ABL2: variants seen among roughly 807,000 people sequenced by gnomAD.
ABL2 encodes the protein ABL proto-oncogene 2, non-receptor tyrosine kinase, also known as tyrosine-protein kinase ABL2.
ABL2 carries 49 observed loss-of-function variants against 107.7 expected under a neutral mutation model. The ratio of observed to expected loss-of-function variants is 0.45; its 90% CI spans 0.36 to 0.58. The LOEUF (loss-of-function observed/expected upper bound fraction) is 0.58, where lower values mean the gene tolerates loss of function less well. Ranked by LOEUF, ABL2 falls within the 20% of genes least tolerant of loss-of-function variation. The probability of loss-of-function intolerance (pLI) is 0.00; values close to 1 mark genes in which losing one functional copy is unlikely to be tolerated. For synonymous variants in ABL2, 549 were observed against 548.6 expected (o/e 1.00, Z -0.01); for missense variants, 1,245 against 1,457.0 (o/e 0.85, Z 2.37).
chr1:179,122,276 T>TA (rs34338293), intron 4 of ABL2, among the ~76,000 whole-genome samples: 2,825 of 126,702 alleles, frequency 0.022, 54 homozygotes, highest in Middle Eastern at 0.055. Flanking sequence ...AGGCTATCTT[T>TA]AAAAAAAAAA....
chr1:179,221,805 A>C (rs1662881919), intron 1 of ABL2: 1 of 248,188 alleles, frequency 4.0e-6, no homozygotes, highest in Non-Finnish European at 8.3e-6. Flanking sequence ...AAAAAAAAAA[A>C]AAACGTATTT....
chr1:179,225,937 G>A (rs1231474192), intron 1 of ABL2, among the ~76,000 whole-genome samples: 6 of 150,836 alleles, frequency 4.0e-5, no homozygotes, highest in Non-Finnish European at 5.9e-5. Context: ...CCAGCTGCTC[G>A]GGAGGCTGAG....
At chr1:179,124,445 C>T (rs977020198) in intron 4 of ABL2, among the ~76,000 whole-genome samples, 2 of 137,116 alleles carry the variant, frequency 1.5e-5, no homozygotes, top group Non-Finnish European at 3.1e-5. Flanking sequence ...TGACTTCTAA[C>T]ATCTTAGATT....
chr1:179,111,087 G>A (rs1323355908), intron 10 of ABL2, among the ~76,000 whole-genome samples: 2 of 145,362 alleles, frequency 1.4e-5, no homozygotes, highest in South Asian at 2.2e-4. Flanking sequence ...ATGTTCAAAC[G>A]ATTCTCCTGT....
intron 1 of ABL2, among the ~76,000 whole-genome samples, chr1:179,136,709 A>AAAAAAAAT (rs773475981): frequency 7.1e-6 from 1 of 140,642 alleles, no homozygotes; most frequent in Non-Finnish European, 1.5e-5. Context: ...TGATCAATAA[A>AAAAAAAAT]AAATAAATAA....
At chr1:179,115,649 T>C (rs78657234) in intron 8 of ABL2, among the ~76,000 whole-genome samples, 1,996 of 152,210 alleles carry the variant, frequency 0.013, 42 homozygotes, top group African/African-American at 0.045. Flanking sequence ...TATCCAGGGC[T>C]TGACACTATC....
rs753918468 is a variant in ABL2 at position 179,118,797 on chromosome 1, A to G, written c.1046-33T>C. On this transcript the variant is annotated intron_variant, in intron 6 of 11. Coordinates refer to ENST00000502732, the MANE Select transcript of ABL2 (RefSeq NM_007314.4). Reference sequence around the variant, plus strand: ...TTGAACAATAGTGCTTGTTTTTATTAGTGTACATTCAAACACTCCAAACCA... The same window carrying G: ...TTGAACAATAGTGCTTGTTTTTATTGGTGTACATTCAAACACTCCAAACCA... 22 of 1,607,784 alleles carry G rather than the reference A, an allele frequency of 1.4e-5. No individual in the cohort carries two copies. In the South Asian group the frequency reaches 2.2e-4, roughly 16 times the overall value.
At position 179,118,735 on chromosome 1, in the gene ABL2, T is replaced by C; in HGVS notation, c.1075A>G (p.Ile359Val). Reference sequence around the variant, plus strand: ...CCGTATGGCATGTATTCAGTCACAATGTAAAATGGTGGCTCCAAAGTACAC... The same window carrying C: ...CCGTATGGCATGTATTCAGTCACAACGTAAAATGGTGGCTCCAAAGTACAC... The part of the protein sequence containing the change: ...GVCTLEPPFY[I>V]VTEYMPYGNL... The change falls in exon 7 of 12, where the codon ATT becomes GTT. Residue 359 changes from isoleucine (I) to valine (V), a missense_variant. Coordinates refer to ENST00000502732, the MANE Select transcript of ABL2 (RefSeq NM_007314.4). 2 of 1,614,046 alleles carry C rather than the reference T, an allele frequency of 1.2e-6. No individual in the cohort carries two copies. The highest frequency in any genetic ancestry group is 1.3e-5 in the African/African-American group (1 of 75,024).
chr1:179,114,543 T>C (rs533254709), intron 9 of ABL2, among the ~76,000 whole-genome samples: 1 of 152,322 alleles, frequency 6.6e-6, no homozygotes, highest in Non-Finnish European at 1.5e-5. Context: ...CAGAGGTTAT[T>C]TTTATGCATT....
At chr1:179,160,676 TTAA>T (rs572660913) in intron 1 of ABL2, among the ~76,000 whole-genome samples, 122 of 152,298 alleles carry the variant, frequency 8.0e-4, no homozygotes, top group Non-Finnish European at 1.1e-3. Flanking sequence ...AGTTATATTC[TTAA>T]TAATAAGACA....
intron 1 of ABL2, among the ~76,000 whole-genome samples, chr1:179,142,760 G>C (rs1158749928): frequency 6.6e-6 from 1 of 152,048 alleles, no homozygotes; most frequent in African/African-American, 2.4e-5. Context: ...CTTCCATTCA[G>C]TATTTATTGA....
chr1:179,134,363 T>C (rs944298749), intron 1 of ABL2, among the ~76,000 whole-genome samples: 4 of 152,108 alleles, frequency 2.6e-5, no homozygotes, highest in African/African-American at 7.2e-5. Flanking sequence ...CTGATCAACA[T>C]AGTGAAAAAC....
intron 1 of ABL2, among the ~76,000 whole-genome samples, chr1:179,203,976 C>G (rs1029454013): frequency 1.4e-4 from 22 of 152,104 alleles, no homozygotes; most frequent in African/African-American, 5.3e-4. Flanking sequence ...ATAGAAAGAG[C>G]TGATGTGAGG....
chr1:179,102,696 G>T lies in ABL2; in HGVS notation c.*5022C>A, dbSNP rs1653200409. 4.3e-6 allele frequency: 1 copy of T among 230,522 alleles called. No individual in the cohort carries two copies. Among genetic ancestry groups the T allele is most frequent in the East Asian group, 6.2e-5 (1 of 16,198 alleles). 14.3% of individuals were successfully genotyped at this position (230,522 alleles called of 1,614,324 possible). On this transcript the variant is annotated 3_prime_UTR_variant, in exon 12 of 12. Transcript: ENST00000502732. Reference sequence around the variant, plus strand: ...TGAACTCCTGGTAGGGGCACAGCCTGATAACAAGAATGACATCAGTAGCAA... The same window carrying T: ...TGAACTCCTGGTAGGGGCACAGCCTTATAACAAGAATGACATCAGTAGCAA...
chr1:179,147,570 T>C (rs1387656898), intron 1 of ABL2, among the ~76,000 whole-genome samples: 1 of 152,200 alleles, frequency 6.6e-6, no homozygotes, highest in African/African-American at 2.4e-5. Flanking sequence ...TGCAGCAACA[T>C]GGTTGGAACT....
intron 6 of ABL2, among the ~76,000 whole-genome samples, chr1:179,119,887 A>C (rs935194702): frequency 7.9e-5 from 12 of 152,216 alleles, no homozygotes; most frequent in African/African-American, 2.9e-4. Context: ...GGCTATTTTT[A>C]AACACAGAAC....
In ABL2 at chr1:179,210,629, C is replaced by T. The variant is rs1210082287; in HGVS notation, c.157+18612G>A. 5.9e-5 allele frequency among the ~76,000 whole-genome samples: 9 copies of T among 151,828 alleles called. No individual in the cohort carries two copies. The East Asian group carries it at 1.7e-3, about 29-fold the overall frequency. ...CAGCACTTTGAGGCCGAGGTGGGCG[C>T]ATCACGAGGTCAGAGATCGAGACCA... is the stretch of plus-strand genomic sequence containing the variant. On this transcript the variant is annotated intron_variant, in intron 1 of 11. Transcript: ENST00000502732.
chr1:179,177,787 A>G (rs1166478705), intron 1 of ABL2, among the ~76,000 whole-genome samples: 1 of 152,216 alleles, frequency 6.6e-6, no homozygotes, highest in African/African-American at 2.4e-5. Flanking sequence ...TGGTTGGAGA[A>G]TAAGAACTTC....
chr1:179,184,660 A>T, intron 1 of ABL2: 1 of 490,878 alleles, frequency 2.0e-6, no homozygotes, highest in Non-Finnish European at 3.7e-6. Context: ...TGATAAAGGG[A>T]AGGAAGGACA....
Sources: gnomAD v4.1 joint callset for allele counts (sites outside exome capture counted in the v4.1 genomes callset) on GRCh38, gnomAD v4.1.1 for gene constraint, MANE v1.5 for transcripts, NCBI Gene and HGNC (gene_info 2026-07-23, HGNC 2026-07-21) for gene names.